The following FARS2 variants were observed in gnomAD, a reference collection of about 807,000 sequenced individuals.
The protein encoded by FARS2 is phenylalanine--tRNA ligase, mitochondrial.
A neutral mutation model predicts 46.4 loss-of-function variants in FARS2; 40 were observed. The observed-to-expected ratio is 0.86, with a 90% confidence interval of 0.67 to 1.12. The LOEUF (loss-of-function observed/expected upper bound fraction) is 1.12. Ranked by LOEUF, FARS2 falls within the 50% of genes most tolerant of loss-of-function variation. The pLI is 0.00. For synonymous variants in FARS2, 234 were observed against 214.9 expected (o/e 1.09, Z -0.78); for missense variants, 513 against 567.9 (o/e 0.90, Z 0.98).
At chr6:5,331,914 A>G (rs1023776619) in intron 1 of FARS2, among the ~76,000 whole-genome samples, 3 of 152,140 alleles carry the variant, frequency 2.0e-5, no homozygotes, top group Non-Finnish European at 4.4e-5. Flanking sequence ...TTGAGTGAGG[A>G]TATGTGCATG....
chr6:5,771,200 T>C (rs1763028966), intron 6 of FARS2, 91 bp from the exon 7 acceptor site: 12 of 1,441,274 alleles, frequency 8.3e-6, no homozygotes, highest in South Asian at 1.2e-5. Flanking sequence ...TCCACTGCAG[T>C]TGGGGAGATC....
At chr6:5,618,579 G>A (rs548348309) in intron 6 of FARS2, among the ~76,000 whole-genome samples, 16 of 152,288 alleles carry the variant, frequency 1.1e-4, no homozygotes, top group African/African-American at 3.8e-4. Flanking sequence ...CCGAAGAAGA[G>A]CCTAATTTCA....
chr6:5,405,255 C>T (rs931599952), intron 3 of FARS2, among the ~76,000 whole-genome samples: 15 of 151,986 alleles, frequency 9.9e-5, no homozygotes, highest in Middle Eastern at 3.2e-3. Flanking sequence ...GTTTTGACTG[C>T]GATTTGACTG....
chr6:5,265,809 A>G lies in FARS2; in HGVS notation c.-22+4149A>G, dbSNP rs145128021. 2.0e-5 allele frequency among the ~76,000 whole-genome samples: 3 copies of G among 152,364 alleles called. No homozygotes were observed. The East Asian group carries it at 5.8e-4, about 29-fold the overall frequency. On this transcript the variant is annotated intron_variant, in intron 1 of 6. Transcript: ENST00000274680. Reference sequence around the variant, plus strand: ...CAATAACTTTTCTACCATCCTGTACAAAGGGCTGCTGAAGCGTTGTGGGGT... The same window carrying G: ...CAATAACTTTTCTACCATCCTGTACGAAGGGCTGCTGAAGCGTTGTGGGGT...
chr6:5,661,332 G>T (rs1032544969), intron 6 of FARS2, among the ~76,000 whole-genome samples: 1 of 152,252 alleles, frequency 6.6e-6, no homozygotes, highest in Non-Finnish European at 1.5e-5. Context: ...ACAGTCTGGA[G>T]CTTACAGGAA....
chr6:5,389,100 A>G (rs1760322176), intron 2 of FARS2, among the ~76,000 whole-genome samples: 1 of 152,230 alleles, frequency 6.6e-6, no homozygotes, highest in Non-Finnish European at 1.5e-5. Context: ...TTAAGCTGCT[A>G]AACTTTTCTG....
chr6:5,368,804 G>C lies in FARS2; in HGVS notation c.234G>C (p.Leu78=). 1.9e-6 allele frequency: 3 copies of C among 1,614,180 alleles called. No homozygotes were observed. In the South Asian group the frequency reaches 3.3e-5, roughly 18 times the overall value. ...TCCTCACCAGAGTTGGCAGGAACCT[G>C]CACAACCAGCAGCATCACCCTCTGT... is the stretch of plus-strand genomic sequence containing the variant. ...RKVLTRVGRN[L]HNQQHHPLWL... The change falls in exon 2 of 7, where the codon CTG becomes CTC. Residue 78 remains leucine, a synonymous_variant. Coordinates refer to ENST00000274680, the MANE Select transcript of FARS2 (RefSeq NM_006567.5).
chr6:5,331,993 TA>T (rs967802096), intron 1 of FARS2, among the ~76,000 whole-genome samples: 29 of 152,194 alleles, frequency 1.9e-4, no homozygotes, highest in South Asian at 4.1e-4. Context: ...GTAGTCACGG[TA>T]AATATGTTAT....
intron 6 of FARS2, among the ~76,000 whole-genome samples, chr6:5,654,518 G>C (rs938818042): frequency 7.9e-5 from 12 of 152,128 alleles, no homozygotes; most frequent in Non-Finnish European, 1.6e-4. Context: ...TTCCCCTTAG[G>C]TTTAACTGAA....
intron 1 of FARS2, among the ~76,000 whole-genome samples, chr6:5,301,093 T>C (rs1170186942): frequency 6.6e-6 from 1 of 152,080 alleles, no homozygotes; most frequent in Admixed American, 6.6e-5. Context: ...TGGGGGGCTC[T>C]TGGATCAATT....
At chr6:5,761,880 A>C (rs1053842733) in intron 6 of FARS2, among the ~76,000 whole-genome samples, 5 of 151,960 alleles carry the variant, frequency 3.3e-5, no homozygotes, top group African/African-American at 1.2e-4. Flanking sequence ...TAATGAAATC[A>C]TGAAGATGCT....
chr6:5,576,720 TCC>T (rs1773007040), intron 5 of FARS2, among the ~76,000 whole-genome samples: 1 of 151,320 alleles, frequency 6.6e-6, no homozygotes, highest in African/African-American at 2.4e-5. Context: ...GCTTTTCCTC[TCC>T]CAACTTTATG....
At chr6:5,685,824 T>C (rs1757156538) in intron 6 of FARS2, among the ~76,000 whole-genome samples, 1 of 152,198 alleles carries the variant, frequency 6.6e-6, no homozygotes, top group Admixed American at 6.5e-5. Flanking sequence ...TATTCAAGTC[T>C]AGTTGCTTGA....
At chr6:5,334,236 C>A (rs973469145) in intron 1 of FARS2, among the ~76,000 whole-genome samples, 1 of 152,104 alleles carries the variant, frequency 6.6e-6, no homozygotes, top group African/African-American at 2.4e-5. Context: ...CACAGTGGTA[C>A]AAAGGGTGCA....
chr6:5,504,189 A>T (rs182698239), intron 4 of FARS2, among the ~76,000 whole-genome samples: 238 of 152,278 alleles, frequency 1.6e-3, no homozygotes, highest in African/African-American at 5.5e-3. Context: ...TATGGAAATA[A>T]TTTTTTCATG....
chr6:5,611,079 G>A (rs1349576416), intron 5 of FARS2, among the ~76,000 whole-genome samples: 1 of 152,050 alleles, frequency 6.6e-6, no homozygotes, highest in Non-Finnish European at 1.5e-5. Flanking sequence ...TGGAGACAGA[G>A]ATGCACACCC....
At chr6:5,713,957 A>G (rs1582817062) in intron 6 of FARS2, among the ~76,000 whole-genome samples, 1 of 152,234 alleles carries the variant, frequency 6.6e-6, no homozygotes, top group East Asian at 1.9e-4. Context: ...CAGTTGATAC[A>G]TATAGTACAA....
At chr6:5,346,910 G>GTTTTTT (rs746722524) in intron 1 of FARS2, among the ~76,000 whole-genome samples, 1 of 139,232 alleles carries the variant, frequency 7.2e-6, no homozygotes. Flanking sequence ...CCATTCATTA[G>GTTTTTT]GTTTTTTTTT....
rs116766626 is a variant in FARS2, at chr6:5,480,928, T to C, written c.904+49756T>C. ...GAAAACAACATCGAGTGTGTATGAG[T>C]GTGTGTATGTGCACACGCATACGTG... is the stretch of plus-strand genomic sequence containing the variant. On this transcript the variant is annotated intron_variant, in intron 4 of 6. Transcript: ENST00000274680. Among the ~76,000 whole-genome samples the C allele has an allele frequency of 7.0e-3, 1,061 of 152,318 alleles. 13 individuals are homozygous for C. The highest frequency in any genetic ancestry group is 0.025 in the African/African-American group (1,025 of 41,580).
Sources: gnomAD v4.1 joint callset for allele counts (sites outside exome capture counted in the v4.1 genomes callset) on GRCh38, gnomAD v4.1.1 for gene constraint, MANE v1.5 for transcripts, NCBI Gene and HGNC (gene_info 2026-07-23, HGNC 2026-07-21) for gene names.